Variants in GXYLT1 observed in about 807,000 individuals in gnomAD.
The protein encoded by GXYLT1 is glycosyltransferase 8 domain containing 3.
Under a neutral mutation model 54.0 loss-of-function variants are expected in GXYLT1, and 29 were observed. That is an observed-to-expected ratio of 0.54 (90% CI 0.40 to 0.73). The LOEUF (loss-of-function observed/expected upper bound fraction) is 0.73. Among genes scored for constraint, GXYLT1 ranks in the 30% least tolerant of loss-of-function variants. The pLI is 0.00. For missense variants in GXYLT1, 490 were observed against 553.4 expected (o/e 0.89, Z 1.15); for synonymous variants, 176 against 204.1 (o/e 0.86, Z 1.17).
At chr12:42,095,786 G>T (rs539716480) in intron 7 of GXYLT1, among the ~76,000 whole-genome samples, 1 of 152,056 alleles carries the variant, frequency 6.6e-6, no homozygotes, top group Non-Finnish European at 1.5e-5. Flanking sequence ...ATACGGAAAC[G>T]AATGAATCCA....
At chr12:42,097,831 GATAAGTGC>G in intron 6 of GXYLT1, 71 bp downstream of exon 6, 1 of 1,134,300 alleles carries the variant, frequency 8.8e-7, no homozygotes, top group Non-Finnish European at 1.3e-6. Context: ...GACAGAATCA[GATAAGTGC>G]ATGTTTTCCT....
intron 7 of GXYLT1, among the ~76,000 whole-genome samples, chr12:42,096,473 G>A (rs1210820822): frequency 1.3e-5 from 2 of 152,100 alleles, no homozygotes; most frequent in Non-Finnish European, 2.9e-5. Context: ...TAATTAGAAG[G>A]AAAAATGAAT....
intron 2 of GXYLT1, among the ~76,000 whole-genome samples, chr12:42,127,664 G>C (rs773123798): frequency 4.6e-5 from 7 of 152,166 alleles, no homozygotes; most frequent in Non-Finnish European, 1.0e-4. Context: ...ATTTACAAAA[G>C]GGTCTGGGTT....
intron 7 of GXYLT1, among the ~76,000 whole-genome samples, chr12:42,090,908 T>C (rs2065325358): frequency 6.6e-6 from 1 of 152,256 alleles, no homozygotes; most frequent in African/African-American, 2.4e-5. Flanking sequence ...TTTTTAAACA[T>C]TTTTATTCAC....
chr12:42,117,626 T>C (rs1008280241), intron 3 of GXYLT1, among the ~76,000 whole-genome samples: 10 of 152,046 alleles, frequency 6.6e-5, no homozygotes, highest in South Asian at 4.1e-4. Flanking sequence ...AAACAGACAA[T>C]AGAGAGGGAG....
chr12:42,144,457 C>CCGCGACGCCGGCGCCTCT lies in GXYLT1; in HGVS notation c.172_189dup (p.Arg58_Ala63dup), dbSNP rs780996640. 1 of 1,277,534 alleles carries CCGCGACGCCGGCGCCTCT rather than the reference C, an allele frequency of 7.8e-7. No individual in the cohort carries two copies. Among genetic ancestry groups the CCGCGACGCCGGCGCCTCT allele is most frequent in the African/African-American group, 1.6e-5 (1 of 60,892 alleles). The allele number at this position is 1,277,534 out of a possible 1,614,324, so 79.1% of individuals were successfully genotyped here. ...GACACGCCGGGATGCGCTGCGGGGC[C>CCGCGACGCCGGCGCCTCT]CGCGACGCCGGCGCCTCTCACGGCG... On this transcript the variant is annotated inframe_insertion, in exon 1 of 8. Transcript: ENST00000398675.
chr12:42,096,618 T>C (rs545402082), intron 7 of GXYLT1, among the ~76,000 whole-genome samples: 16 of 152,292 alleles, frequency 1.1e-4, no homozygotes, highest in Admixed American at 7.8e-4. Context: ...AGGAGTGCTA[T>C]TGTTGAACAA....
intron 5 of GXYLT1, among the ~76,000 whole-genome samples, chr12:42,101,932 G>A (rs1413583427): frequency 6.6e-6 from 1 of 152,136 alleles, no homozygotes; most frequent in Non-Finnish European, 1.5e-5. Flanking sequence ...TGTCACTCTG[G>A]GTGGAGGCAT....
intron 3 of GXYLT1, among the ~76,000 whole-genome samples, chr12:42,117,444 G>C (rs1304063700): frequency 1.3e-5 from 2 of 151,584 alleles, no homozygotes; most frequent in Non-Finnish European, 2.9e-5. Context: ...CTGCCAAAAA[G>C]TATAAACGTT....
At chr12:42,144,269 C>T (rs1254532288) in intron 1 of GXYLT1, among the ~76,000 whole-genome samples, 157 bp downstream of exon 1, 1 of 150,168 alleles carries the variant, frequency 6.7e-6, no homozygotes, top group Non-Finnish European at 1.5e-5. Flanking sequence ...CAGGTTTAGC[C>T]CCGGCCGGAG....
chr12:42,083,159 GAT>G lies in GXYLT1; in HGVS notation c.*4625_*4626del, dbSNP rs2065263212. ...TTTTCTCATGAGTCTTTAATTGCTG[GAT>G]ATTTGAATAACACATTAATTTTTTA... On this transcript the variant is annotated 3_prime_UTR_variant, in exon 8 of 8. Coordinates refer to ENST00000398675, the MANE Select transcript of GXYLT1 (RefSeq NM_173601.2). 1 of 151,778 alleles carries G rather than the reference GAT, an allele frequency of 6.6e-6. No homozygotes were observed. Among genetic ancestry groups the G allele is most frequent in the African/African-American group, 2.4e-5 (1 of 41,266 alleles). 9.4% of individuals were successfully genotyped at this position (151,778 alleles called of 1,614,324 possible).
chr12:42,094,123 G>A (rs2136876226), intron 7 of GXYLT1, among the ~76,000 whole-genome samples: 1 of 151,950 alleles, frequency 6.6e-6, no homozygotes, highest in Non-Finnish European at 1.5e-5. Context: ...CACTTTGGGA[G>A]GCCAAGGATT....
At chr12:42,134,771 C>T (rs2065610465) in intron 1 of GXYLT1, among the ~76,000 whole-genome samples, 1 of 152,220 alleles carries the variant, frequency 6.6e-6, no homozygotes, top group Admixed American at 6.5e-5. Context: ...CAGTTAATGA[C>T]ATGACTATGC....
intron 5 of GXYLT1, among the ~76,000 whole-genome samples, chr12:42,102,852 TGAG>T (rs1431027443): frequency 6.6e-6 from 1 of 152,028 alleles, no homozygotes. Flanking sequence ...TATACAATTA[TGAG>T]ATTAAAAATT....
chr12:42,110,899 C>CA (rs1464303702), intron 3 of GXYLT1, among the ~76,000 whole-genome samples: 5 of 152,128 alleles, frequency 3.3e-5, no homozygotes, highest in African/African-American at 9.7e-5. Context: ...TCATCAAAAG[C>CA]AAAACCAAAC....
At chr12:42,099,281 C>T (rs1208141287) in intron 5 of GXYLT1, among the ~76,000 whole-genome samples, 1 of 152,204 alleles carries the variant, frequency 6.6e-6, no homozygotes, top group African/African-American at 2.4e-5. Context: ...TACTACGCTA[C>T]TTGAGAAAGA....
intron 5 of GXYLT1, among the ~76,000 whole-genome samples, chr12:42,099,368 A>G (rs1001175662): frequency 3.9e-5 from 6 of 152,126 alleles, no homozygotes; most frequent in Admixed American, 2.0e-4. Flanking sequence ...TTAGTTTTCA[A>G]CTCAGCCAAA....
chr12:42,114,316 C>T (rs1038793190), intron 3 of GXYLT1, among the ~76,000 whole-genome samples: 5 of 152,006 alleles, frequency 3.3e-5, no homozygotes, highest in Non-Finnish European at 7.4e-5. Context: ...ACAAAAAACA[C>T]GTCAAAAGAT....
At chr12:42,137,171 G>A (rs148997487) in intron 1 of GXYLT1, among the ~76,000 whole-genome samples, 74 of 152,202 alleles carry the variant, frequency 4.9e-4, no homozygotes, top group African/African-American at 1.7e-3. Flanking sequence ...TCAGTGATAC[G>A]AGATGAGCCT....
Sources: gnomAD v4.1 joint callset for allele counts (sites outside exome capture counted in the v4.1 genomes callset) on GRCh38, gnomAD v4.1.1 for gene constraint, MANE v1.5 for transcripts, NCBI Gene and HGNC (gene_info 2026-07-23, HGNC 2026-07-21) for gene names.